ARHGAP10: variants seen among roughly 807,000 people sequenced by gnomAD.
ARHGAP10 encodes Rho GTPase activating protein 10, also known as rho GTPase-activating protein 10.
In ARHGAP10, 87 loss-of-function variants were observed where a neutral mutation model predicts 108.6. The observed-to-expected ratio is 0.80, with a 90% confidence interval of 0.67 to 0.96. The LOEUF (loss-of-function observed/expected upper bound fraction) is 0.96, where lower values mean the gene tolerates loss of function less well. ARHGAP10 is among the 40% of genes least tolerant of loss of function. The pLI is 0.00. For missense variants in ARHGAP10, 939 were observed against 954.5 expected (o/e 0.98, Z 0.21); for synonymous variants, 347 against 341.1 (o/e 1.02, Z -0.19).
intron 22 of ARHGAP10, among the ~76,000 whole-genome samples, chr4:148,069,625 C>A (rs1171640822): frequency 6.6e-6 from 1 of 152,180 alleles, no homozygotes; most frequent in Non-Finnish European, 1.5e-5. Flanking sequence ...AAATAGTGAG[C>A]ATGTGCAGGT....
intron 18 of ARHGAP10, among the ~76,000 whole-genome samples, chr4:147,987,211 A>C (rs1740078243): frequency 6.6e-6 from 1 of 152,272 alleles, no homozygotes; most frequent in African/African-American, 2.4e-5. Flanking sequence ...ACATGCTTTC[A>C]GCAAAATCAT....
At chr4:147,915,111 A>C (rs1321896393) in intron 13 of ARHGAP10, among the ~76,000 whole-genome samples, 6 of 152,214 alleles carry the variant, frequency 3.9e-5, no homozygotes, top group Admixed American at 3.9e-4. Flanking sequence ...CTTTGTTATA[A>C]AGACAGGACT....
intron 1 of ARHGAP10, among the ~76,000 whole-genome samples, chr4:147,797,723 C>T (rs888294735): frequency 7.9e-5 from 12 of 152,092 alleles, no homozygotes; most frequent in South Asian, 2.1e-4. Flanking sequence ...CCAACACGCC[C>T]GGCCCCCTCC....
At position 147,968,207 on chromosome 4, in the gene ARHGAP10, C is replaced by T. The variant is rs1284842566; in HGVS notation, c.1716+1368C>T. Among the ~76,000 whole-genome samples, 4 of 152,122 alleles carry T rather than the reference C, an allele frequency of 2.6e-5. No individual in the cohort carries two copies. In the South Asian group the frequency reaches 6.2e-4, roughly 24 times the overall value. ...GGAAAAAATGGTTTTAGGATGCTTT[C>T]GGAGTGCTGTTCTCAATAGGACCAC... On this transcript the variant is annotated intron_variant, in intron 18 of 22. Coordinates refer to ENST00000336498, the MANE Select transcript of ARHGAP10 (RefSeq NM_024605.4).
chr4:147,832,477 T>C (rs1248335133), intron 3 of ARHGAP10, among the ~76,000 whole-genome samples: 2 of 151,558 alleles, frequency 1.3e-5, no homozygotes, highest in East Asian at 3.9e-4. Context: ...TGAAACCCTG[T>C]CTCTGCTAAA....
intron 21 of ARHGAP10, among the ~76,000 whole-genome samples, chr4:148,064,027 C>T (rs1729746431): frequency 6.6e-6 from 1 of 152,222 alleles, no homozygotes; most frequent in African/African-American, 2.4e-5. Context: ...CCGCCTCCTT[C>T]TGCCGGCTGG....
intron 10 of ARHGAP10, among the ~76,000 whole-genome samples, chr4:147,899,002 C>T (rs964795145): frequency 1.3e-5 from 2 of 152,134 alleles, no homozygotes; most frequent in African/African-American, 4.8e-5. Context: ...GAGAAACCCT[C>T]CAGGCAGGCC....
At chr4:148,020,352 A>G (rs546054503) in intron 18 of ARHGAP10, among the ~76,000 whole-genome samples, 6 of 152,162 alleles carry the variant, frequency 3.9e-5, no homozygotes, top group South Asian at 2.1e-4. Context: ...GGTTTGTTAC[A>G]TGAACGTGTG....
intron 10 of ARHGAP10, among the ~76,000 whole-genome samples, chr4:147,883,198 C>T (rs1327493382): frequency 1.3e-5 from 2 of 152,134 alleles, no homozygotes; most frequent in Non-Finnish European, 2.9e-5. Flanking sequence ...GTTAAATAAG[C>T]GTTTTGCCAA....
intron 1 of ARHGAP10, among the ~76,000 whole-genome samples, chr4:147,797,724 G>A (rs1353659549): frequency 6.6e-6 from 1 of 151,988 alleles, no homozygotes; most frequent in African/African-American, 2.4e-5. Flanking sequence ...CAACACGCCC[G>A]GCCCCCTCCC....
chr4:147,971,464 G>A (rs1225553835), intron 18 of ARHGAP10, among the ~76,000 whole-genome samples: 1 of 152,238 alleles, frequency 6.6e-6, no homozygotes, highest in Admixed American at 6.5e-5. Flanking sequence ...GAGCGAGAAA[G>A]TGGCGGAGAC....
intron 14 of ARHGAP10, among the ~76,000 whole-genome samples, chr4:147,944,216 A>G (rs1211620962): frequency 1.3e-5 from 2 of 152,198 alleles, no homozygotes; most frequent in African/African-American, 2.4e-5. Flanking sequence ...AAAGGATTGC[A>G]CCTTTAATCA....
chr4:147,879,228 G>T lies in ARHGAP10; in HGVS notation c.833-4G>T, dbSNP rs371574432. 1.5e-4 allele frequency: 240 copies of T among 1,603,806 alleles called. No homozygotes were observed. The highest frequency in any genetic ancestry group is 1.9e-4 in the Non-Finnish European group (218 of 1,176,974). Reference sequence around the variant, plus strand: ...AAATATAAAGGGCTGTTTTTTTGTTGAAGGGCCTGCTCCGTTTGGTTCCAG... The same window carrying T: ...AAATATAAAGGGCTGTTTTTTTGTTTAAGGGCCTGCTCCGTTTGGTTCCAG... On this transcript the variant is annotated splice_polypyrimidine_tract_variant and splice_region_variant and intron_variant, in intron 8 of 22. Coordinates refer to ENST00000336498, the MANE Select transcript of ARHGAP10 (RefSeq NM_024605.4).
At chr4:147,828,558 G>A (rs370073589) in intron 3 of ARHGAP10, among the ~76,000 whole-genome samples, 4 of 152,226 alleles carry the variant, frequency 2.6e-5, no homozygotes, top group African/African-American at 4.8e-5. Flanking sequence ...AACATGCTTC[G>A]TGGTAATCAA....
At chr4:147,938,078 G>A (rs1738024310) in intron 13 of ARHGAP10, among the ~76,000 whole-genome samples, 1 of 152,184 alleles carries the variant, frequency 6.6e-6, no homozygotes, top group African/African-American at 2.4e-5. Context: ...GGATGGAAGT[G>A]GAGGCCATTA....
chr4:147,929,712 A>C (rs1395447645), intron 13 of ARHGAP10, among the ~76,000 whole-genome samples: 1 of 152,136 alleles, frequency 6.6e-6, no homozygotes, highest in Admixed American at 6.5e-5. Context: ...ATTTCCTCAC[A>C]AGTTTTTCTA....
chr4:147,960,106 T>C (rs1738937665), intron 16 of ARHGAP10, among the ~76,000 whole-genome samples: 1 of 152,224 alleles, frequency 6.6e-6, no homozygotes, highest in South Asian at 2.1e-4. Context: ...TTATATTGTT[T>C]TTATTTTCTC....
At chr4:147,766,838 A>G (rs1335003735) in intron 1 of ARHGAP10, among the ~76,000 whole-genome samples, 3 of 56,198 alleles carry the variant, frequency 5.3e-5, no homozygotes, top group Non-Finnish European at 1.1e-4. Context: ...ATATATATAT[A>G]TTTATTTATT....
At chr4:147,898,804 T>C (rs1426942018) in intron 10 of ARHGAP10, among the ~76,000 whole-genome samples, 2 of 151,610 alleles carry the variant, frequency 1.3e-5, no homozygotes, top group Non-Finnish European at 1.5e-5. Flanking sequence ...CTGCCTAGGT[T>C]ATCTTTAGAG....
Sources: gnomAD v4.1 joint callset for allele counts (sites outside exome capture counted in the v4.1 genomes callset) on GRCh38, gnomAD v4.1.1 for gene constraint, MANE v1.5 for transcripts, NCBI Gene and HGNC (gene_info 2026-07-23, HGNC 2026-07-21) for gene names.